MCPH1: variants seen among roughly 807,000 people sequenced by gnomAD.
MCPH1 encodes the protein microcephalin.
In MCPH1, 104 loss-of-function variants were observed where a neutral mutation model predicts 84.5. That is an observed-to-expected ratio of 1.23 (90% CI 1.05 to 1.45). The LOEUF is 1.45. Among genes scored for constraint, MCPH1 ranks in the 40% most tolerant of loss-of-function variants. The pLI, the probability that MCPH1 is intolerant of heterozygous loss-of-function variation, is 0.00. For missense variants in MCPH1, 1,498 were observed against 1,005.7 expected (o/e 1.49, Z -6.62); for synonymous variants, 514 against 366.8 (o/e 1.40, Z -4.58).
intron 12 of MCPH1, among the ~76,000 whole-genome samples, chr8:6,603,623 G>T (rs2129578459): frequency 6.6e-6 from 1 of 152,310 alleles, no homozygotes. Flanking sequence ...ATGGGAATCT[G>T]GGGATGGAAG....
intron 12 of MCPH1, among the ~76,000 whole-genome samples, chr8:6,578,813 C>T (rs1430887233): frequency 6.6e-6 from 1 of 152,186 alleles, no homozygotes; most frequent in Non-Finnish European, 1.5e-5. Flanking sequence ...CAGACTCGCA[C>T]GTGGTTCTCC....
intron 12 of MCPH1, among the ~76,000 whole-genome samples, chr8:6,617,917 A>ATCTG (rs1257056300): frequency 1.3e-5 from 2 of 151,056 alleles, no homozygotes; most frequent in Admixed American, 6.6e-5. Flanking sequence ...CTATCTATCT[A>ATCTG]TCTATCTATC....
chr8:6,508,888 C>A (rs1814347325), intron 12 of MCPH1: 1 of 1,613,440 alleles, frequency 6.2e-7, no homozygotes, highest in Non-Finnish European at 8.5e-7. Flanking sequence ...TCTATGAAAT[C>A]ATTCCTTGCC....
intron 10 of MCPH1, among the ~76,000 whole-genome samples, chr8:6,478,548 T>A (rs1039558113): frequency 5.3e-5 from 8 of 152,164 alleles, no homozygotes; most frequent in Non-Finnish European, 1.0e-4. Context: ...TCTTCTTGTC[T>A]TACTCTTTTT....
At chr8:6,503,604 ACT>A (rs1812638390) in intron 12 of MCPH1, among the ~76,000 whole-genome samples, 1 of 150,806 alleles carries the variant, frequency 6.6e-6, no homozygotes, top group African/African-American at 2.4e-5. Context: ...CAGTTGGAAA[ACT>A]CTCCTTCAAC....
chr8:6,413,287 G>A (rs1017157617), intron 2 of MCPH1, among the ~76,000 whole-genome samples: 1 of 151,954 alleles, frequency 6.6e-6, no homozygotes, highest in Admixed American at 6.6e-5. Context: ...TGCATGTGAT[G>A]TGTCTCTATC....
chr8:6,629,490 CAAAG>C (rs959222438), intron 13 of MCPH1, among the ~76,000 whole-genome samples: 18 of 152,180 alleles, frequency 1.2e-4, no homozygotes, highest in African/African-American at 4.1e-4. Flanking sequence ...TAAAGGAAGA[CAAAG>C]AAACACCAAA....
At chr8:6,598,671 G>A (rs1829116495) in intron 12 of MCPH1, among the ~76,000 whole-genome samples, 1 of 152,232 alleles carries the variant, frequency 6.6e-6, no homozygotes, top group South Asian at 2.1e-4. Flanking sequence ...CGTGTGAGCC[G>A]GCGGGCGGCT....
At chr8:6,594,400 A>T (rs1828760821) in intron 12 of MCPH1, among the ~76,000 whole-genome samples, 1 of 152,216 alleles carries the variant, frequency 6.6e-6, no homozygotes, top group Non-Finnish European at 1.5e-5. Context: ...GGTAGGACAC[A>T]GAGGGCTTCC....
chr8:6,499,687 T>C (rs1046147123), intron 11 of MCPH1, 165 bp from the exon 12 acceptor site: 2 of 628,284 alleles, frequency 3.2e-6, no homozygotes, highest in African/African-American at 3.7e-5. Context: ...ATTCATAACA[T>C]TTATGCAACA....
chr8:6,479,232 A>G (rs1441854010), intron 10 of MCPH1, among the ~76,000 whole-genome samples: 1 of 152,048 alleles, frequency 6.6e-6, no homozygotes, highest in Non-Finnish European at 1.5e-5. Flanking sequence ...GTACCACTGC[A>G]CTCCAGCCTG....
chr8:6,565,025 G>A (rs188485803), intron 12 of MCPH1, among the ~76,000 whole-genome samples: 6 of 152,218 alleles, frequency 3.9e-5, no homozygotes, highest in Non-Finnish European at 8.8e-5. Flanking sequence ...TTCCACTAAG[G>A]GAACCAATTA....
intron 12 of MCPH1, among the ~76,000 whole-genome samples, chr8:6,598,377 C>G (rs1212399480): frequency 6.6e-6 from 1 of 152,144 alleles, no homozygotes; most frequent in Non-Finnish European, 1.5e-5. Flanking sequence ...AGCAGAAGCC[C>G]CGAACCCAAA....
intron 9 of MCPH1, among the ~76,000 whole-genome samples, chr8:6,462,845 G>A (rs1433954837): frequency 1.3e-5 from 2 of 152,190 alleles, no homozygotes; most frequent in African/African-American, 4.8e-5. Flanking sequence ...AAAAATGTTA[G>A]CTATTTTCTT....
intron 3 of MCPH1, among the ~76,000 whole-genome samples, chr8:6,419,300 G>T (rs1422312465): frequency 1.3e-5 from 2 of 152,090 alleles, no homozygotes; most frequent in Non-Finnish European, 2.9e-5. Flanking sequence ...GCTTACTGCA[G>T]CCTTGACCTC....
At chr8:6,509,169 C>T (rs1814416815) in intron 12 of MCPH1, 2 of 1,399,184 alleles carry the variant, frequency 1.4e-6, no homozygotes, top group African/African-American at 2.9e-5. Flanking sequence ...GTGTTCTGTA[C>T]TCGTTAATGG....
intron 12 of MCPH1, among the ~76,000 whole-genome samples, chr8:6,556,829 T>G (rs1824701210): frequency 6.6e-6 from 1 of 152,072 alleles, no homozygotes; most frequent in Admixed American, 6.6e-5. Flanking sequence ...CCTCAAAGTG[T>G]CTTCCCATCT....
rs1475345162 is a variant in MCPH1, at chr8:6,609,828, C to CCCCCCCACA, written c.2215-11625_2215-11624insCCCCCACAC. Among the ~76,000 whole-genome samples, 241 of 108,468 alleles carry CCCCCCCACA rather than the reference C, an allele frequency of 2.2e-3. 9 individuals carry two copies. Among genetic ancestry groups the CCCCCCCACA allele is most frequent in the Non-Finnish European group, 2.8e-3 (127 of 45,296 alleles). The allele number at this position is 108,468 out of a possible 152,430, so 71.2% of individuals were successfully genotyped here. A position where few individuals can be genotyped will look rare whatever the true frequency, so the allele number is the denominator to read the frequency against. Reference sequence around the variant, plus strand: ...CAAAGCAATGCCCCCCGCCCCCCCCCCACACACAGACTGCCAGGTAAACCA... The same window carrying CCCCCCCACA: ...CAAAGCAATGCCCCCCGCCCCCCCCCCCCCCCACACACACACAGACTGCCAGGTAAACCA... On this transcript the variant is annotated intron_variant, in intron 12 of 13. Transcript: ENST00000344683.
rs745348836 is a variant in MCPH1, at chr8:6,444,696, C to T, written c.974C>T (p.Thr325Met). ...QKQAAGMSQETFEEKYRLSPT... is the reference protein window; with the variant it reads ...QKQAAGMSQEMFEEKYRLSPT... ...CAGGCTGCAGGTATGTCTCAGGAGA[C>T]GTTTGAAGAGAAGTATCGTTTGTCT... The change falls in exon 8 of 14, where the codon ACG (threonine) becomes ATG (methionine). Residue 325 changes from threonine (T) to methionine (M), a missense_variant. Physicochemically the swap from Thr to Met is moderately conservative, Grantham distance 81 (BLOSUM62 -1). Transcript: ENST00000344683. 23 of 1,613,922 alleles carry T rather than the reference C, an allele frequency of 1.4e-5. No homozygotes were observed. The Admixed American group carries it at 1.5e-4, about 11-fold the overall frequency.
Sources: allele counts gnomAD v4.1 joint callset (sites outside exome capture counted in the v4.1 genomes callset), GRCh38; gene constraint gnomAD v4.1.1; transcripts MANE v1.5; gene names NCBI Gene and HGNC (gene_info 2026-07-23, HGNC 2026-07-21).